GSDMC: variants seen among roughly 807,000 people sequenced by gnomAD.
GSDMC encodes gasdermin C, also known as gasdermin-C.
Under a neutral mutation model 58.0 loss-of-function variants are expected in GSDMC, and 59 were observed. The observed-to-expected ratio is 1.02, with a 90% CI of 0.82 to 1.26. The LOEUF is 1.26. Ranked by LOEUF, GSDMC falls within the 50% of genes most tolerant of loss-of-function variation. The pLI, the probability that GSDMC is intolerant of heterozygous loss-of-function variation, is 0.00. For missense variants in GSDMC, 659 were observed against 598.5 expected (o/e 1.10, Z -1.06); for synonymous variants, 241 against 220.2 (o/e 1.09, Z -0.83).
intron 4 of GSDMC, among the ~76,000 whole-genome samples, chr8:129,764,176 G>C (rs915335782): frequency 3.3e-5 from 5 of 151,908 alleles, no homozygotes; most frequent in Non-Finnish European, 7.4e-5. Context: ...TTCCTCAAGT[G>C]TCTGTGATTT....
At chr8:129,732,361 T>C in the GSDMC span, among the ~76,000 whole-genome samples, 2 of 149,850 alleles carry the variant, frequency 1.3e-5, no homozygotes, top group African/African-American at 4.9e-5. Context: ...CTACCCAGCA[T>C]TCTCTACAGT....
At chr8:129,735,248 G>A in the GSDMC span, among the ~76,000 whole-genome samples, 4 of 152,070 alleles carry the variant, frequency 2.6e-5, no homozygotes, top group African/African-American at 4.8e-5. Context: ...ACAGATCAAC[G>A]AGACATAAGA....
In GSDMC at chr8:129,761,037, G is replaced by C. The variant is rs1586591678; in HGVS notation, c.677-448C>G. Among the ~76,000 whole-genome samples the C allele has an allele frequency of 2.0e-5, 3 of 152,116 alleles. No individual in the cohort carries two copies. In the South Asian group the frequency reaches 6.2e-4, roughly 32 times the overall value. On this transcript the variant is annotated intron_variant, in intron 5 of 13. Coordinates refer to ENST00000276708, the MANE Select transcript of GSDMC (RefSeq NM_031415.3). ...TGAAGAAGACAAAAAGTTGTATAAG[G>C]GTTGAAAAGTGTGAACTGAATGAAG...
chr8:129,741,011 A>AT, the GSDMC span, among the ~76,000 whole-genome samples: 36 of 151,068 alleles, frequency 2.4e-4, no homozygotes, highest in Middle Eastern at 6.8e-3. Context: ...TTTTGAATTG[A>AT]TTTTTTTTTA....
At chr8:129,740,866 A>T in the GSDMC span, among the ~76,000 whole-genome samples, 1 of 152,074 alleles carries the variant, frequency 6.6e-6, no homozygotes, top group African/African-American at 2.4e-5. Flanking sequence ...CATTTGTCTA[A>T]TTTTGCTATT....
At chr8:129,725,719 CT>C in the GSDMC span, among the ~76,000 whole-genome samples, 3 of 152,118 alleles carry the variant, frequency 2.0e-5, no homozygotes, top group African/African-American at 7.2e-5. Context: ...TAGCACTATA[CT>C]AGGTTCTTTA....
chr8:129,715,029 T>C, the GSDMC span, among the ~76,000 whole-genome samples: 1 of 152,250 alleles, frequency 6.6e-6, no homozygotes, highest in African/African-American at 2.4e-5. Flanking sequence ...AAGGCGTCTA[T>C]GCTTTACCTG....
chr8:129,714,733 T>A, the GSDMC span, among the ~76,000 whole-genome samples: 1 of 150,974 alleles, frequency 6.6e-6, no homozygotes, highest in African/African-American at 2.4e-5. Context: ...CTAAGAGGAT[T>A]TGTCACCAGC....
At chr8:129,784,664 C>A (rs906520370) in intron 1 of GSDMC, among the ~76,000 whole-genome samples, 6 of 152,154 alleles carry the variant, frequency 3.9e-5, no homozygotes, top group African/African-American at 1.2e-4. Context: ...ATTAGTACAG[C>A]CACTATGGAG....
chr8:129,713,158 T>G, the GSDMC span, among the ~76,000 whole-genome samples: 12 of 152,236 alleles, frequency 7.9e-5, no homozygotes, highest in Admixed American at 7.9e-4. Flanking sequence ...CTTTACATGA[T>G]AGCACTTTTG....
chr8:129,780,723 G>T (rs1246427927), intron 1 of GSDMC, among the ~76,000 whole-genome samples: 1 of 152,150 alleles, frequency 6.6e-6, no homozygotes, highest in East Asian at 1.9e-4. Context: ...AATGGTAGTA[G>T]GAAGCACACA....
chr8:129,748,441 C>G lies in GSDMC; in HGVS notation c.*60G>C, dbSNP rs1210114837. On this transcript the variant is annotated 3_prime_UTR_variant, in exon 14 of 14. Transcript: ENST00000276708. ...CCTATCTCTTGCACCCATAAGGACA[C>G]TCACAGCATAGACTGGGCGAGGGCC... 43 of 1,523,642 alleles carry G rather than the reference C, an allele frequency of 2.8e-5. No homozygotes were observed. The South Asian group carries it at 3.7e-4, about 13-fold the overall frequency. The allele number at this position is 1,523,642 out of a possible 1,614,324, so 94.4% of individuals were successfully genotyped here. A position where few individuals can be genotyped will look rare whatever the true frequency, so the allele number is the denominator to read the frequency against.
chr8:129,761,121 G>T (rs1157605832), intron 5 of GSDMC, among the ~76,000 whole-genome samples: 1 of 152,186 alleles, frequency 6.6e-6, no homozygotes, highest in African/African-American at 2.4e-5. Context: ...CTACTAGCGG[G>T]GAGAGTGGCG....
At chr8:129,752,929 C>T (rs1179791798) in intron 6 of GSDMC, 109 bp from the exon 7 acceptor site, 67 of 1,527,546 alleles carry the variant, frequency 4.4e-5, no homozygotes, top group Admixed American at 3.6e-4. Context: ...TGCCAGTGCA[C>T]GAAGGGAGCA....
At chr8:129,728,775 C>A in the GSDMC span, 2 of 514,032 alleles carry the variant, frequency 3.9e-6, no homozygotes, top group Admixed American at 3.2e-5. Flanking sequence ...GAGGGCTCTG[C>A]CTGGTGGCTC....
chr8:129,773,272 T>C (rs1468791842), intron 3 of GSDMC, among the ~76,000 whole-genome samples: 1 of 151,882 alleles, frequency 6.6e-6, no homozygotes, highest in African/African-American at 2.4e-5. Flanking sequence ...TGCTTGCCAG[T>C]GAAATTAGGG....
chr8:129,760,016 T>C (rs1180563740), intron 6 of GSDMC, among the ~76,000 whole-genome samples: 2 of 152,196 alleles, frequency 1.3e-5, no homozygotes, highest in Non-Finnish European at 2.9e-5. Flanking sequence ...CAAAATGGTA[T>C]ACTATTCACC....
At chr8:129,747,317 A>C (rs2032985202), downstream of GSDMC, among the ~76,000 whole-genome samples, 1 of 151,924 alleles carries the variant, frequency 6.6e-6, no homozygotes, top group African/African-American at 2.4e-5. Context: ...ATACGGTTAC[A>C]CTCCTTGGCA....
At chr8:129,758,656 A>G (rs2033535569) in intron 6 of GSDMC, among the ~76,000 whole-genome samples, 1 of 152,118 alleles carries the variant, frequency 6.6e-6, no homozygotes, top group Non-Finnish European at 1.5e-5. Flanking sequence ...TAACTTAACC[A>G]AAGAAGTGAA....
Sources: gnomAD v4.1 joint callset for allele counts (sites outside exome capture counted in the v4.1 genomes callset) on GRCh38, gnomAD v4.1.1 for gene constraint, MANE v1.5 for transcripts, NCBI Gene and HGNC (gene_info 2026-07-23, HGNC 2026-07-21) for gene names.